Variants in DPYSL2 observed in about 807,000 individuals in gnomAD.
DPYSL2 encodes dihydropyrimidinase like 2.
DPYSL2 carries 13 observed loss-of-function variants against 69.9 expected under a neutral mutation model. The ratio of observed to expected loss-of-function variants is 0.19; its 90% CI spans 0.12 to 0.30. DPYSL2 has a LOEUF of 0.30. Ranked by LOEUF, DPYSL2 falls within the 10% of genes least tolerant of loss-of-function variation. DPYSL2 has a pLI of 1.00. For missense variants in DPYSL2, 587 were observed against 918.9 expected (o/e 0.64, Z 4.67); for synonymous variants, 326 against 359.1 (o/e 0.91, Z 1.04).
chr8:26,655,857 T>C lies in DPYSL2; in HGVS notation c.*151T>C, dbSNP rs566932631. The C allele has an allele frequency of 1.5e-6, 1 of 672,274 alleles. No homozygotes were observed. The highest frequency in any genetic ancestry group is 2.9e-5 in the East Asian group (1 of 34,588). The allele number at this position is 672,274 out of a possible 1,614,324, so 41.6% of individuals were successfully genotyped here. On this transcript the variant is annotated 3_prime_UTR_variant, in exon 14 of 14. Coordinates refer to ENST00000521913, the MANE Select transcript of DPYSL2 (RefSeq NM_001197293.3). ...GAGCAGCCAGTTCATGGGGTCCCCC[T>C]TGGGGCCCCACACCCCGTCTCTCAC...
At chr8:26,547,434 C>G (rs905410931) in intron 1 of DPYSL2, among the ~76,000 whole-genome samples, 1 of 151,764 alleles carries the variant, frequency 6.6e-6, no homozygotes, top group Non-Finnish European at 1.5e-5. Context: ...TTACTCAGTA[C>G]ATTGTATCCA....
chr8:26,624,849 C>T lies in DPYSL2; in HGVS notation c.793+542C>T, dbSNP rs941713423. Among the ~76,000 whole-genome samples the T allele has an allele frequency of 6.6e-6, 1 of 152,142 alleles. No individual in the cohort carries two copies. Among genetic ancestry groups the T allele is most frequent in the African/African-American group, 2.4e-5 (1 of 41,426 alleles). On this transcript the variant is annotated intron_variant, in intron 4 of 13. Transcript: ENST00000521913. This position sits in a 1 kb window ranked among gnomAD's most constrained non-coding sequence, Gnocchi z 4.7. ...AATTTCCAGGGATTGGGAAGATTCA[C>T]AGAGAGGCAGGAGGAATCTTTACCA... is the stretch of plus-strand genomic sequence containing the variant.
rs1055293691 is a variant in DPYSL2 at position 26,564,063 on chromosome 8, G to A, written c.355-17906G>A. ...AAGCGTGAAAAGAGCCAGAAAAAAA[G>A]GCATCACAGAAGCGAGGGAGGGGAA... On this transcript the variant is annotated intron_variant, in intron 1 of 13. Transcript: ENST00000521913. This position sits in a 1 kb window ranked among gnomAD's most constrained non-coding sequence, Gnocchi z 4.8. Among the ~76,000 whole-genome samples the A allele has an allele frequency of 2.0e-5, 3 of 152,156 alleles. No individual in the cohort carries two copies. The highest frequency in any genetic ancestry group is 7.2e-5 in the African/African-American group (3 of 41,434).
intron 1 of DPYSL2, among the ~76,000 whole-genome samples, chr8:26,573,734 G>A (rs1801278407): frequency 6.6e-6 from 1 of 151,032 alleles, no homozygotes; most frequent in African/African-American, 2.4e-5. Context: ...CTACTCGGGA[G>A]GCTGAGGCAG....
chr8:26,569,425 G>C (rs1272908399), intron 1 of DPYSL2, among the ~76,000 whole-genome samples: 3 of 150,106 alleles, frequency 2.0e-5, no homozygotes, highest in African/African-American at 7.3e-5. Flanking sequence ...ATCAGGATTA[G>C]AGAATGGCAG....
At chr8:26,584,867 C>A (rs1329787027) in intron 3 of DPYSL2, among the ~76,000 whole-genome samples, 1 of 152,120 alleles carries the variant, frequency 6.6e-6, no homozygotes, top group Admixed American at 6.5e-5. Context: ...GATCTGCCTG[C>A]CTCGGCCTCC....
chr8:26,558,300 G>A (rs77059206), intron 1 of DPYSL2, among the ~76,000 whole-genome samples: 133 of 152,226 alleles, frequency 8.7e-4, no homozygotes, highest in African/African-American at 3.0e-3. Context: ...AGAAATGAAG[G>A]AACCTTAAGT....
rs1009538966 is a variant in DPYSL2, at chr8:26,585,863, G to A, written c.628+1880G>A. 3.3e-5 allele frequency among the ~76,000 whole-genome samples: 5 copies of A among 152,198 alleles called. No homozygotes were observed. The highest frequency in any genetic ancestry group is 5.9e-5 in the Non-Finnish European group (4 of 68,046). ...ACCATGGTTCATGCCTGTAATTCCA[G>A]CACTTTGGGAGCCTGAGGTGGGTGG... is the stretch of plus-strand genomic sequence containing the variant. On this transcript the variant is annotated intron_variant, in intron 3 of 13. Transcript: ENST00000521913. The surrounding 1 kb of genome is among the most constrained non-coding windows in gnomAD (Gnocchi z 4.0).
rs566689990 is a variant in DPYSL2 at position 26,591,481 on chromosome 8, C to T, written c.628+7498C>T. The stretch of plus-strand genomic sequence containing the variant: ...AGACTTCTGAGGACAGCGATCGTGG[C>T]CTCTCCATTTTCCTAAGGCCCCTGC... On this transcript the variant is annotated intron_variant, in intron 3 of 13. Coordinates refer to ENST00000521913, the MANE Select transcript of DPYSL2 (RefSeq NM_001197293.3). This position sits in a 1 kb window ranked among gnomAD's most constrained non-coding sequence, Gnocchi z 5.8. Among the ~76,000 whole-genome samples, 1 of 152,316 alleles carries T rather than the reference C, an allele frequency of 6.6e-6. No homozygotes were observed. Among genetic ancestry groups the T allele is most frequent in the African/African-American group, 2.4e-5 (1 of 41,578 alleles).
At chr8:26,522,835 A>G (rs78935527) in intron 1 of DPYSL2, among the ~76,000 whole-genome samples, 10,115 of 152,156 alleles carry the variant, frequency 0.066, 384 homozygotes, top group South Asian at 0.18. Context: ...AAAGTTTTAA[A>G]TTTTGATGAA....
At position 26,653,062 on chromosome 8, in the gene DPYSL2, G is replaced by C. The variant is rs1803310504; in HGVS notation, c.1777-170G>C. ...AACCAGTTACTGGACCTTGTGGGGA[G>C]TTTTGGCCTGGCATGGTGGGAGCTG... On this transcript the variant is annotated intron_variant, in intron 12 of 13. Transcript: ENST00000521913. This position sits in a 1 kb window ranked among gnomAD's most constrained non-coding sequence, Gnocchi z 5.7. 6.6e-6 allele frequency among the ~76,000 whole-genome samples: 1 copy of C among 152,148 alleles called. No individual in the cohort carries two copies. The highest frequency in any genetic ancestry group is 2.1e-4 in the South Asian group (1 of 4,834).
In DPYSL2 at chr8:26,587,924, G is replaced by A. The variant is rs1801640973; in HGVS notation, c.628+3941G>A. On this transcript the variant is annotated intron_variant, in intron 3 of 13. Coordinates refer to ENST00000521913, the MANE Select transcript of DPYSL2 (RefSeq NM_001197293.3). The surrounding 1 kb of genome is among the most constrained non-coding windows in gnomAD (Gnocchi z 4.2). ...GAGGCCGGAAGGACAGACACGACTT[G>A]CCAACACTTACCCTGTGCGTCGGTG... Among the ~76,000 whole-genome samples, 2 of 152,176 alleles carry A rather than the reference G, an allele frequency of 1.3e-5. No homozygotes were observed. Among genetic ancestry groups the A allele is most frequent in the Admixed American group, 1.3e-4 (2 of 15,280 alleles).
chr8:26,531,248 G>A (rs1438648099), intron 1 of DPYSL2, among the ~76,000 whole-genome samples: 1 of 152,074 alleles, frequency 6.6e-6, no homozygotes, highest in African/African-American at 2.4e-5. Flanking sequence ...AATTGAGGAG[G>A]CCCACAACGG....
At position 26,653,087 on chromosome 8, in the gene DPYSL2, G is replaced by A; in HGVS notation, c.1777-145G>A. The A allele has an allele frequency of 1.0e-6, 1 of 965,844 alleles. No homozygotes were observed. The highest frequency in any genetic ancestry group is 2.5e-5 in the Admixed American group (1 of 39,944). The allele number at this position is 965,844 out of a possible 1,614,324, so 59.8% of individuals were successfully genotyped here. A position where few individuals can be genotyped will look rare whatever the true frequency, so the allele number is the denominator to read the frequency against. On this transcript the variant is annotated intron_variant, in intron 12 of 13. Transcript: ENST00000521913. The surrounding 1 kb of genome is among the most constrained non-coding windows in gnomAD (Gnocchi z 5.7). ...GTTTTGGCCTGGCATGGTGGGAGCT[G>A]GCCCCACACAACACCTGTCCACCTG...
At chr8:26,646,744 A>G (rs1803172773) in intron 10 of DPYSL2, among the ~76,000 whole-genome samples, 2 of 152,006 alleles carry the variant, frequency 1.3e-5, no homozygotes, top group Non-Finnish European at 2.9e-5. Flanking sequence ...AAATCCCAGC[A>G]CTTTGGGAGA....
chr8:26,599,277 C>T (rs1801938654), intron 3 of DPYSL2, among the ~76,000 whole-genome samples: 1 of 152,164 alleles, frequency 6.6e-6, no homozygotes, highest in Non-Finnish European at 1.5e-5. Flanking sequence ...TTCCTGCCTT[C>T]TTGACAGAAA....
Position 26,641,123 on chromosome 8 carries a change from T to G in DPYSL2, c.1127-2316T>G, listed in dbSNP as rs572407167. ...CCAAGAACCAGCCCCTCCTTGTACT[T>G]AAGTTTCTAGAGGCAGGGCCGAGGA... On this transcript the variant is annotated intron_variant, in intron 8 of 13. Coordinates refer to ENST00000521913, the MANE Select transcript of DPYSL2 (RefSeq NM_001197293.3). The surrounding 1 kb of genome is among the most constrained non-coding windows in gnomAD (Gnocchi z 4.1). 6.6e-6 allele frequency among the ~76,000 whole-genome samples: 1 copy of G among 152,268 alleles called. No homozygotes were observed. The highest frequency in any genetic ancestry group is 2.4e-5 in the African/African-American group (1 of 41,556).
Position 26,627,370 on chromosome 8 carries a change from T to G in DPYSL2, c.936+75T>G. ...GCAGGCTCAAGAAAGGGAAGCTGCA[T>G]CTGTAGCTTAACACCAAGGTGGAAA... On this transcript the variant is annotated intron_variant, in intron 6 of 13. Coordinates refer to ENST00000521913, the MANE Select transcript of DPYSL2 (RefSeq NM_001197293.3). This position sits in a 1 kb window ranked among gnomAD's most constrained non-coding sequence, Gnocchi z 6.9. 5 of 1,465,466 alleles carry G rather than the reference T, an allele frequency of 3.4e-6. No individual in the cohort carries two copies. Among genetic ancestry groups the G allele is most frequent in the Non-Finnish European group, 4.8e-6 (5 of 1,048,068 alleles). The allele number at this position is 1,465,466 out of a possible 1,614,324, so 90.8% of individuals were successfully genotyped here.
At chr8:26,556,192 T>TTATATATAGTA (rs1360017504) in intron 1 of DPYSL2, among the ~76,000 whole-genome samples, 2 of 9,026 alleles carry the variant, frequency 2.2e-4, no homozygotes, top group Admixed American at 3.2e-3. Context: ...ACTATATATA[T>TTATATATAGTA]TATATATACT....
Sources: gnomAD v4.1 joint callset for allele counts (sites outside exome capture counted in the v4.1 genomes callset) on GRCh38, gnomAD v4.1.1 for gene constraint, Gnocchi (gnomAD v3.1) non-coding constraint, MANE v1.5 for transcripts, NCBI Gene and HGNC (gene_info 2026-07-23, HGNC 2026-07-21) for gene names.